MYO16: variants seen among roughly 807,000 people sequenced by gnomAD.
MYO16 encodes myosin XVI.
In MYO16, 94 loss-of-function variants were observed where a neutral mutation model predicts 205.3. That is an observed-to-expected ratio of 0.46 (90% confidence interval 0.39 to 0.54). The LOEUF is 0.54. MYO16 is among the 20% of genes least tolerant of loss of function. MYO16 has a pLI of 0.00. For missense variants in MYO16, 2,315 were observed against 2,387.5 expected (o/e 0.97, Z 0.63); for synonymous variants, 988 against 954.0 (o/e 1.04, Z -0.66).
chr13:109,006,977 C>T (rs557322566), intron 21 of MYO16, among the ~76,000 whole-genome samples: 3 of 152,012 alleles, frequency 2.0e-5, no homozygotes, highest in South Asian at 2.1e-4. Flanking sequence ...TGTGGTGTCC[C>T]GGAGGAGAGG....
intron 1 of MYO16, among the ~76,000 whole-genome samples, chr13:108,610,359 T>C (rs1879126827): frequency 6.6e-6 from 1 of 152,220 alleles, no homozygotes; most frequent in Non-Finnish European, 1.5e-5. Context: ...TCTTGGGCTC[T>C]TTTTTAATGA....
At chr13:108,818,132 T>G (rs1730919479) in intron 7 of MYO16, among the ~76,000 whole-genome samples, 1 of 152,044 alleles carries the variant, frequency 6.6e-6, no homozygotes, top group African/African-American at 2.4e-5. Context: ...GCGTGTAATC[T>G]CAGCAATTTG....
intron 5 of MYO16, among the ~76,000 whole-genome samples, chr13:108,787,984 A>T (rs1886507969): frequency 6.6e-6 from 1 of 152,100 alleles, no homozygotes; most frequent in Non-Finnish European, 1.5e-5. Context: ...GTACTTTTAC[A>T]GTTATCTATT....
intron 1 of MYO16, among the ~76,000 whole-genome samples, chr13:108,609,524 T>A (rs1312939650): frequency 6.6e-6 from 1 of 152,142 alleles, no homozygotes; most frequent in African/African-American, 2.4e-5. Flanking sequence ...GTCATTAAGC[T>A]GATGAGTAAA....
chr13:108,787,491 G>A (rs1040238610), intron 5 of MYO16, among the ~76,000 whole-genome samples: 1 of 152,158 alleles, frequency 6.6e-6, no homozygotes, highest in African/African-American at 2.4e-5. Flanking sequence ...ATTTGCAAAT[G>A]CATTCACATT....
chr13:108,703,710 T>G lies in MYO16; in HGVS notation c.293-8951T>G, dbSNP rs1883395176. 2.0e-5 allele frequency among the ~76,000 whole-genome samples: 3 copies of G among 152,176 alleles called. No individual in the cohort carries two copies. The South Asian group carries it at 6.2e-4, about 32-fold the overall frequency. On this transcript the variant is annotated intron_variant, in intron 2 of 34. Transcript: ENST00000457511. Reference sequence around the variant, plus strand: ...TTAAAATATTACAAAGTATGTTCTCTCACCATAATGGAATGAAAATAAAAA... The same window carrying G: ...TTAAAATATTACAAAGTATGTTCTCGCACCATAATGGAATGAAAATAAAAA...
In MYO16 at chr13:108,898,091, T is replaced by G. The variant is rs1387124483; in HGVS notation, c.1735T>G (p.Phe579Val). ...TTTGTCCAGTTGCTTCATCAAGTAT[T>G]TTGAACTGCAGTTCTGTGAGAGGAA... ...NDLSSCFIKY[F>V]ELQFCERKQQ... Residue 579 changes from phenylalanine (F) to valine (V), a missense_variant, in exon 15 of 35, where the codon TTT (phenylalanine) becomes GTT (valine). By Grantham distance (50) the Phe-to-Val change is conservative (BLOSUM62 -1). Transcript: ENST00000457511. 6 of 1,613,856 alleles carry G rather than the reference T, an allele frequency of 3.7e-6. No individual in the cohort carries two copies. The highest frequency in any genetic ancestry group is 4.2e-6 in the Non-Finnish European group (5 of 1,179,840).
intron 33 of MYO16, among the ~76,000 whole-genome samples, chr13:109,173,969 T>G: frequency 6.8e-6 from 1 of 146,588 alleles, no homozygotes; most frequent in East Asian, 2.1e-4. Flanking sequence ...CTCTCTGCTG[T>G]TTTGGAAAAG....
intron 23 of MYO16, among the ~76,000 whole-genome samples, chr13:109,034,083 C>G (rs1220595221): frequency 6.6e-6 from 1 of 152,032 alleles, no homozygotes; most frequent in South Asian, 2.1e-4. Context: ...AAAGACATCA[C>G]AAAGCACAAT....
At chr13:108,898,351 A>AGTGTGTGTGTGTGTGTGT (rs3042037) in intron 15 of MYO16, among the ~76,000 whole-genome samples, 2,822 of 145,026 alleles carry the variant, frequency 0.019, 54 homozygotes, top group Non-Finnish European at 0.025. Context: ...AGGGTGTGTG[A>AGTGTGTGTGTGTGTGTGT]GTGTGTGTGT....
At chr13:108,562,056 A>G in the MYO16 span, among the ~76,000 whole-genome samples, 4 of 152,296 alleles carry the variant, frequency 2.6e-5, no homozygotes, top group East Asian at 7.7e-4. Flanking sequence ...TCAACAATGT[A>G]TTGTAGATTT....
chr13:108,679,975 A>C (rs539016619), intron 2 of MYO16, among the ~76,000 whole-genome samples: 2 of 152,236 alleles, frequency 1.3e-5, no homozygotes, highest in East Asian at 3.9e-4. Context: ...TGTATGTTCT[A>C]GTCCCAATAC....
chr13:108,932,004 C>T (rs1882277647), intron 16 of MYO16, among the ~76,000 whole-genome samples: 1 of 152,022 alleles, frequency 6.6e-6, no homozygotes, highest in Non-Finnish European at 1.5e-5. Flanking sequence ...TTACATTTTC[C>T]ATTTCTGTAT....
intron 10 of MYO16, among the ~76,000 whole-genome samples, chr13:108,849,006 AGACTTCACTATT>A (rs1877674626): frequency 6.6e-6 from 1 of 151,794 alleles, no homozygotes; most frequent in East Asian, 1.9e-4. Context: ...AGGGCCTGGT[AGACTTCACTATT>A]TAAGAAACAC....
chr13:108,665,412 G>C (rs1881680412), intron 1 of MYO16, among the ~76,000 whole-genome samples: 1 of 152,082 alleles, frequency 6.6e-6, no homozygotes, highest in Admixed American at 6.5e-5. Flanking sequence ...ATACTTGGCA[G>C]CATATATATT....
At chr13:108,678,109 C>T (rs954803973) in intron 2 of MYO16, among the ~76,000 whole-genome samples, 5 of 152,174 alleles carry the variant, frequency 3.3e-5, no homozygotes, top group Admixed American at 6.5e-5. Context: ...AAGATGTAGA[C>T]GTGCCATTTA....
At chr13:108,878,807 G>A (rs544410420) in intron 12 of MYO16, among the ~76,000 whole-genome samples, 1 of 152,310 alleles carries the variant, frequency 6.6e-6, no homozygotes, top group East Asian at 1.9e-4. Flanking sequence ...CCTCCCATAA[G>A]GGGTTTGAGC....
At position 109,141,452 on chromosome 13, in the gene MYO16, G is replaced by C; in HGVS notation, c.5164+76G>C. 1 of 998,512 alleles carries C rather than the reference G, an allele frequency of 1.0e-6. No individual in the cohort carries two copies. Among genetic ancestry groups the C allele is most frequent in the Non-Finnish European group, 1.4e-6 (1 of 731,074 alleles). 61.9% of individuals were successfully genotyped at this position (998,512 alleles called of 1,614,324 possible). On this transcript the variant is annotated intron_variant, in intron 32 of 34. Transcript: ENST00000457511. This position sits in a 1 kb window ranked among gnomAD's most constrained non-coding sequence, Gnocchi z 4.1. ...CGTGCACCTGTGTACATCCGTGTCTGCGCAGATGTGAAATAGTAAAGTTTC... is the reference window on the plus strand; with the variant it reads ...CGTGCACCTGTGTACATCCGTGTCTCCGCAGATGTGAAATAGTAAAGTTTC...
chr13:108,750,265 C>A (rs1258594816), intron 4 of MYO16, among the ~76,000 whole-genome samples: 1 of 152,118 alleles, frequency 6.6e-6, no homozygotes, highest in East Asian at 1.9e-4. Flanking sequence ...TAAACAAAAA[C>A]AATCATTTAG....
Sources: gnomAD v4.1 joint callset for allele counts (sites outside exome capture counted in the v4.1 genomes callset) on GRCh38, gnomAD v4.1.1 for gene constraint, Gnocchi (gnomAD v3.1) non-coding constraint, MANE v1.5 for transcripts, NCBI Gene and HGNC (gene_info 2026-07-23, HGNC 2026-07-21) for gene names.